GABRA4: variants seen among roughly 807,000 people sequenced by gnomAD.
GABRA4 encodes the protein gamma-aminobutyric acid type A receptor subunit alpha4.
In GABRA4, 12 loss-of-function variants were observed where a neutral mutation model predicts 49.7. The ratio of observed to expected loss-of-function variants is 0.24; its 90% CI spans 0.15 to 0.39. GABRA4 has a LOEUF of 0.39. Among genes scored for constraint, GABRA4 ranks in the 10% least tolerant of loss-of-function variants. The pLI is 1.00. For synonymous variants in GABRA4, 288 were observed against 240.2 expected (o/e 1.20, Z -1.84); for missense variants, 506 against 686.0 (o/e 0.74, Z 2.93).
At chr4:46,963,954 G>A (rs1447012299) in intron 8 of GABRA4, among the ~76,000 whole-genome samples, 2 of 151,830 alleles carry the variant, frequency 1.3e-5, no homozygotes, top group South Asian at 2.1e-4. Flanking sequence ...AGAGATATCT[G>A]CACTCCTATG....
chr4:46,943,975 G>C (rs887422392), intron 8 of GABRA4, among the ~76,000 whole-genome samples: 2 of 151,986 alleles, frequency 1.3e-5, no homozygotes, highest in Non-Finnish European at 2.9e-5. Flanking sequence ...GTGGTGGTGT[G>C]GGCCAGGGGG....
intron 8 of GABRA4, among the ~76,000 whole-genome samples, chr4:46,948,692 C>CT (rs1429934471): frequency 6.6e-6 from 1 of 152,076 alleles, no homozygotes; most frequent in African/African-American, 2.4e-5. Context: ...CATACTGTCT[C>CT]TCCCCAGTAA....
At chr4:46,943,520 C>A (rs1343498679) in intron 8 of GABRA4, among the ~76,000 whole-genome samples, 2 of 152,056 alleles carry the variant, frequency 1.3e-5, no homozygotes, top group Non-Finnish European at 2.9e-5. Context: ...CTTATTAAAA[C>A]TTTTTCAGCG....
intron 8 of GABRA4, among the ~76,000 whole-genome samples, chr4:46,951,042 C>T (rs16859751): frequency 0.1 from 15,674 of 151,712 alleles, 967 homozygotes; most frequent in South Asian, 0.23. Flanking sequence ...CAGAGACAAC[C>T]GGCATAATAA....
At chr4:46,965,341 T>A in intron 7 of GABRA4, 112 bp from the exon 8 acceptor site, 1 of 836,860 alleles carries the variant, frequency 1.2e-6, no homozygotes, top group Non-Finnish European at 1.7e-6. Context: ...TTAACAAAAC[T>A]ACAATAACTC....
intron 8 of GABRA4, among the ~76,000 whole-genome samples, chr4:46,937,948 T>C (rs1192396732): frequency 6.6e-6 from 1 of 152,166 alleles, no homozygotes; most frequent in Non-Finnish European, 1.5e-5. Context: ...TGTGAATAAG[T>C]ATGTTTCTGT....
intron 1 of GABRA4, 138 bp from the exon 2 acceptor site, chr4:46,993,084 T>A: frequency 1.4e-6 from 1 of 735,322 alleles, no homozygotes; most frequent in Non-Finnish European, 2.3e-6. Context: ...GGGGTTGGGA[T>A]GCAGAAGACA....
intron 5 of GABRA4, among the ~76,000 whole-genome samples, chr4:46,975,294 T>C (rs1215155154): frequency 6.6e-6 from 1 of 152,010 alleles, no homozygotes; most frequent in African/African-American, 2.4e-5. Flanking sequence ...TGAAACAAAC[T>C]ATGAGGCTTG....
chr4:46,960,758 T>A (rs187497069), intron 8 of GABRA4, among the ~76,000 whole-genome samples: 3 of 151,562 alleles, frequency 2.0e-5, no homozygotes, highest in African/African-American at 7.3e-5. Flanking sequence ...TAAGAAAAAT[T>A]TATTATTTAA....
Position 46,926,923 on chromosome 4 carries a change from T to C in GABRA4, c.*1302A>G, listed in dbSNP as rs912531878. 3.3e-5 allele frequency: 5 copies of C among 151,860 alleles called. No individual in the cohort carries two copies. Among genetic ancestry groups the C allele is most frequent in the African/African-American group, 1.2e-4 (5 of 41,410 alleles). 9.4% of individuals were successfully genotyped at this position (151,860 alleles called of 1,614,324 possible). On this transcript the variant is annotated 3_prime_UTR_variant, in exon 9 of 9. Transcript: ENST00000264318. ...TTAATTTTAAAATATTCCCCTTAGT[T>C]ATTAAACCTTAAAAAAACTCCCAAA...
At chr4:46,958,809 G>A (rs1722457910) in intron 8 of GABRA4, among the ~76,000 whole-genome samples, 1 of 151,902 alleles carries the variant, frequency 6.6e-6, no homozygotes, top group African/African-American at 2.4e-5. Context: ...ATCAACAACA[G>A]TCCATAGGTC....
intron 2 of GABRA4, among the ~76,000 whole-genome samples, chr4:46,991,060 C>T (rs1275880307): frequency 6.6e-6 from 1 of 152,046 alleles, no homozygotes; most frequent in Non-Finnish European, 1.5e-5. Context: ...GTGGCTTGCA[C>T]CTGTAATCCC....
Position 46,919,214 on chromosome 4 carries a change from G to A in GABRA4, c.*9011C>T, listed in dbSNP as rs1333399482. The A allele has an allele frequency of 1.3e-5, 2 of 151,452 alleles. No homozygotes were observed. The highest frequency in any genetic ancestry group is 4.8e-5 in the African/African-American group (2 of 41,360). The allele number at this position is 151,452 out of a possible 1,614,324, so 9.4% of individuals were successfully genotyped here. Reference sequence around the variant, plus strand: ...AAAGCAAGGGACATTTACTTAAAGGGACAGTGTTTAAAAAATCATTTCCTG... The same window carrying A: ...AAAGCAAGGGACATTTACTTAAAGGAACAGTGTTTAAAAAATCATTTCCTG... On this transcript the variant is annotated 3_prime_UTR_variant, in exon 9 of 9. Transcript: ENST00000264318.
chr4:46,963,754 G>A (rs936478443), intron 8 of GABRA4, among the ~76,000 whole-genome samples: 3 of 151,742 alleles, frequency 2.0e-5, no homozygotes, highest in African/African-American at 7.3e-5. Flanking sequence ...CTACAATGAC[G>A]CATCATCTCA....
At chr4:46,956,092 A>G (rs1014896470) in intron 8 of GABRA4, among the ~76,000 whole-genome samples, 1 of 152,156 alleles carries the variant, frequency 6.6e-6, no homozygotes, top group Admixed American at 6.6e-5. Context: ...TTGGGCACTT[A>G]AAACATACAA....
At chr4:46,972,439 T>C (rs889972759) in intron 6 of GABRA4, among the ~76,000 whole-genome samples, 1 of 151,622 alleles carries the variant, frequency 6.6e-6, no homozygotes, top group Non-Finnish European at 1.5e-5. Context: ...TTTTAACCAA[T>C]TTTTTGAGGT....
intron 8 of GABRA4, among the ~76,000 whole-genome samples, chr4:46,931,063 A>G (rs1168554250): frequency 6.6e-6 from 1 of 152,080 alleles, no homozygotes; most frequent in Non-Finnish European, 1.5e-5. Context: ...AGAATGCTAA[A>G]CAAAGAGAGA....
Position 46,924,654 on chromosome 4 carries a change from T to A in GABRA4, c.*3571A>T, listed in dbSNP as rs185219686. 264 of 152,114 alleles carry A rather than the reference T, an allele frequency of 1.7e-3. 3 individuals are homozygous for A. Among genetic ancestry groups the A allele is most frequent in the African/African-American group, 6.1e-3 (252 of 41,554 alleles). 9.4% of individuals were successfully genotyped at this position (152,114 alleles called of 1,614,324 possible). ...ATACTTTATCTAAATGGAGAGATGT[T>A]ATATATATTTTTGAAGGTAGGGAAA... On this transcript the variant is annotated 3_prime_UTR_variant, in exon 9 of 9. Transcript: ENST00000264318.
At chr4:46,934,925 C>T (rs1721557448) in intron 8 of GABRA4, among the ~76,000 whole-genome samples, 2 of 152,182 alleles carry the variant, frequency 1.3e-5, no homozygotes, top group African/African-American at 2.4e-5. Context: ...GAACTGCTTT[C>T]ATCAATGCCG....
Sources: gnomAD v4.1 joint callset for allele counts (sites outside exome capture counted in the v4.1 genomes callset) on GRCh38, gnomAD v4.1.1 for gene constraint, MANE v1.5 for transcripts, NCBI Gene and HGNC (gene_info 2026-07-23, HGNC 2026-07-21) for gene names.